DIS3: variants seen among roughly 807,000 people sequenced by gnomAD.
The protein encoded by DIS3 is exosome complex exonuclease RRP44.
Under a neutral mutation model 113.0 loss-of-function variants are expected in DIS3, and 103 were observed. That is an observed-to-expected ratio of 0.91 (90% CI 0.78 to 1.07). The LOEUF is 1.07. Among genes scored for constraint, DIS3 ranks in the 50% least tolerant of loss-of-function variants. The pLI, the probability that DIS3 is intolerant of heterozygous loss-of-function variation, is 0.00. For synonymous variants in DIS3, 402 were observed against 394.3 expected, an observed-to-expected ratio of 1.02 and a Z score of -0.23; for missense variants, 1,121 against 1,167.1, an observed-to-expected ratio of 0.96 and a Z score of 0.58.
intron 13 of DIS3, 44 bp from the exon 14 acceptor site, chr13:72,768,956 A>G (rs754913849): frequency 1.4e-6 from 2 of 1,409,224 alleles, no homozygotes; most frequent in Admixed American, 4.1e-5. Flanking sequence ...TAAATGATAG[A>G]AAAATGGTTT....
At chr13:72,763,002 A>G (rs1340147931) in intron 16 of DIS3, among the ~76,000 whole-genome samples, 2 of 152,078 alleles carry the variant, frequency 1.3e-5, no homozygotes, top group Non-Finnish European at 2.9e-5. Context: ...GTGCTCTTTA[A>G]AAACATTAGG....
intron 2 of DIS3, among the ~76,000 whole-genome samples, chr13:72,779,403 C>A (rs373386636): frequency 2.6e-5 from 4 of 152,148 alleles, no homozygotes; most frequent in African/African-American, 9.7e-5. Flanking sequence ...CAGACATAAG[C>A]CACCACGCCC....
intron 10 of DIS3, 31 bp from the exon 11 acceptor site, chr13:72,771,927 T>C (rs773013003): frequency 2.5e-6 from 4 of 1,594,636 alleles, no homozygotes; most frequent in South Asian, 2.2e-5. Flanking sequence ...AGGATGTCAA[T>C]ATGCTTGACT....
In DIS3 at chr13:72,778,292, G is replaced by A. The variant is rs2138233504; in HGVS notation, c.475C>T (p.His159Tyr). 1 of 1,606,458 alleles carries A rather than the reference G, an allele frequency of 6.2e-7. No homozygotes were observed. The highest frequency in any genetic ancestry group is 2.2e-5 in the East Asian group (1 of 44,792). Residue 159 changes from histidine (H) to tyrosine (Y), a missense_variant, in exon 3 of 21, where the codon CAT becomes TAT. Coordinates refer to ENST00000377767, the MANE Select transcript of DIS3 (RefSeq NM_014953.5). The part of the protein sequence containing the change: ...IRVAAKWYNE[H>Y]LKKMSADNQL... ...TTGTCTGCTGACATTTTTTTCAAAT[G>A]TTCATTGTACCATTTTGCTGCTACT...
Position 72,752,382 on chromosome 13 carries a change from G to A in DIS3, c.*7413C>T, listed in dbSNP as rs540367387. 3 of 152,156 alleles carry A rather than the reference G, an allele frequency of 2.0e-5. No individual in the cohort carries two copies. The highest frequency in any genetic ancestry group is 7.2e-5 in the African/African-American group (3 of 41,446). 9.4% of individuals were successfully genotyped at this position (152,156 alleles called of 1,614,324 possible). ...TTGACATTAGCAGAAGTCTAGATGA[G>A]AGACAGTGAAGTCAGCCACCATCTC... On this transcript the variant is annotated 3_prime_UTR_variant, in exon 21 of 21. Coordinates refer to ENST00000377767, the MANE Select transcript of DIS3 (RefSeq NM_014953.5).
chr13:72,759,367 C>T lies in DIS3; in HGVS notation c.*428G>A, dbSNP rs2033569498. The T allele has an allele frequency of 4.6e-6, 1 of 216,450 alleles. No individual in the cohort carries two copies. Among genetic ancestry groups the T allele is most frequent in the African/African-American group, 2.2e-5 (1 of 44,530 alleles). The allele number at this position is 216,450 out of a possible 1,614,324, so 13.4% of individuals were successfully genotyped here. A position where few individuals can be genotyped will look rare whatever the true frequency, so the allele number is the denominator to read the frequency against. On this transcript the variant is annotated 3_prime_UTR_variant, in exon 21 of 21. Transcript: ENST00000377767. ...TTACATCCTCAACACTGACAGCTTCCAAGACTTAGAAAAGAGATTGTTCCT... is the reference window on the plus strand; with the variant it reads ...TTACATCCTCAACACTGACAGCTTCTAAGACTTAGAAAAGAGATTGTTCCT...
chr13:72,771,992 A>G lies in DIS3; in HGVS notation c.1504-96T>C. ...AGATAAAGTTTAGCTAAATTTAAAAAAGACTCAGTCACCTCTACCATTTCA... is the reference window on the plus strand; with the variant it reads ...AGATAAAGTTTAGCTAAATTTAAAAGAGACTCAGTCACCTCTACCATTTCA... On this transcript the variant is annotated intron_variant, in intron 10 of 20. Transcript: ENST00000377767. The G allele has an allele frequency of 2.9e-6, 4 of 1,398,934 alleles. No homozygotes were observed. In the South Asian group the frequency reaches 5.2e-5, roughly 18 times the overall value. The allele number at this position is 1,398,934 out of a possible 1,614,324, so 86.7% of individuals were successfully genotyped here.
chr13:72,757,014 T>A lies in DIS3; in HGVS notation c.*2781A>T, dbSNP rs1346203902. The A allele has an allele frequency of 3.3e-5, 5 of 152,200 alleles. No individual in the cohort carries two copies. The allele number at this position is 152,200 out of a possible 1,614,324, so 9.4% of individuals were successfully genotyped here. A position where few individuals can be genotyped will look rare whatever the true frequency, so the allele number is the denominator to read the frequency against. ...TATATTCCACGTAACCTGCTTAGCA[T>A]AAGAACTGGCACTAGAAACAGAACA... On this transcript the variant is annotated 3_prime_UTR_variant, in exon 21 of 21. Coordinates refer to ENST00000377767, the MANE Select transcript of DIS3 (RefSeq NM_014953.5).
Position 72,772,656 on chromosome 13 carries a change from T to C in DIS3, c.1386+37A>G, listed in dbSNP as rs773981590. The C allele has an allele frequency of 1.1e-5, 17 of 1,572,826 alleles. No individual in the cohort carries two copies. The East Asian group carries it at 2.3e-4, about 21-fold the overall frequency. Reference sequence around the variant, plus strand: ...TTAAACAAAACTAGGCAGGATATAATAATTTATAAAGTCACTACAAATTAC... The same window carrying C: ...TTAAACAAAACTAGGCAGGATATAACAATTTATAAAGTCACTACAAATTAC... On this transcript the variant is annotated intron_variant, in intron 9 of 20. Coordinates refer to ENST00000377767, the MANE Select transcript of DIS3 (RefSeq NM_014953.5).
intron 10 of DIS3, 87 bp downstream of exon 10, chr13:72,772,072 T>C (rs1369092342): frequency 1.3e-5 from 17 of 1,306,780 alleles, no homozygotes; most frequent in Non-Finnish European, 1.5e-5. Context: ...ACAAGAGTAA[T>C]TAACAAGCAA....
chr13:72,776,857 G>A, intron 4 of DIS3, among the ~76,000 whole-genome samples: 1 of 152,242 alleles, frequency 6.6e-6, no homozygotes, highest in East Asian at 1.9e-4. Context: ...ACTGACATGA[G>A]AGTGGTCTTA....
chr13:72,755,389 C>G lies in DIS3; in HGVS notation c.*4406G>C. On this transcript the variant is annotated 3_prime_UTR_variant, in exon 21 of 21. Transcript: ENST00000377767. ...TGACATAGGAACAACAGAAATGCTC[C>G]TGGAACTTCAAGTTGCTGAATTATA... The G allele has an allele frequency of 1.9e-6, 1 of 535,668 alleles. No homozygotes were observed. The highest frequency in any genetic ancestry group is 3.3e-6 in the Non-Finnish European group (1 of 304,478). The allele number at this position is 535,668 out of a possible 1,614,324, so 33.2% of individuals were successfully genotyped here.
At position 72,761,731 on chromosome 13, in the gene DIS3, TTG is replaced by T. The variant is rs1566238949; in HGVS notation, c.2424_2425del (p.His808GlnfsTer7). 1 of 1,613,954 alleles carries T rather than the reference TTG, an allele frequency of 6.2e-7. No individual in the cohort carries two copies. The highest frequency in any genetic ancestry group is 8.5e-7 in the Non-Finnish European group (1 of 1,179,976). The stretch of plus-strand genomic sequence containing the variant: ...TAGATTTTTACATATATCTGCAAGC[TTG>T]TGTTTGTCTGTCAACTCTGGATAAG... On this transcript the variant is annotated frameshift_variant, in exon 18 of 21. Transcript: ENST00000377767. LOFTEE classifies it high-confidence loss of function.
chr13:72,763,115 T>C (rs547918921), intron 16 of DIS3, among the ~76,000 whole-genome samples: 3 of 152,042 alleles, frequency 2.0e-5, no homozygotes, highest in Non-Finnish European at 4.4e-5. Flanking sequence ...CTGGGCAACA[T>C]AGTGAAAATC....
chr13:72,759,669 T>C lies in DIS3; in HGVS notation c.*126A>G. On this transcript the variant is annotated 3_prime_UTR_variant, in exon 21 of 21. Transcript: ENST00000377767. ...GTCAACTGTTCAATAAAAATGCAGA[T>C]GTCTGAAATTATTAAAATGTACTTA... 1.5e-6 allele frequency: 1 copy of C among 682,604 alleles called. No homozygotes were observed. Among genetic ancestry groups the C allele is most frequent in the South Asian group, 2.0e-5 (1 of 50,578 alleles). 42.3% of individuals were successfully genotyped at this position (682,604 alleles called of 1,614,324 possible).
At chr13:72,763,694 CAAG>C in intron 15 of DIS3, 87 bp from the exon 16 acceptor site, 1 of 1,325,144 alleles carries the variant, frequency 7.5e-7, no homozygotes, top group African/African-American at 1.5e-5. Context: ...CCTTTGTTAC[CAAG>C]AAGATAATAA....
At position 72,753,866 on chromosome 13, in the gene DIS3, A is replaced by T. The variant is rs1170773094; in HGVS notation, c.*5929T>A. ...AAAGCTTAATATTGTTTAGATTAGA[A>T]ATATAAAATAATTTTGATTATTAGA... is the stretch of plus-strand genomic sequence containing the variant. On this transcript the variant is annotated 3_prime_UTR_variant, in exon 21 of 21. Coordinates refer to ENST00000377767, the MANE Select transcript of DIS3 (RefSeq NM_014953.5). The T allele has an allele frequency of 6.6e-7, 1 of 1,516,836 alleles. No individual in the cohort carries two copies. Among genetic ancestry groups the T allele is most frequent in the Non-Finnish European group, 9.0e-7 (1 of 1,111,456 alleles). 94.0% of individuals were successfully genotyped at this position (1,516,836 alleles called of 1,614,324 possible). A position where few individuals can be genotyped will look rare whatever the true frequency, so the allele number is the denominator to read the frequency against.
chr13:72,781,602 C>G lies in DIS3; in HGVS notation c.228+3G>C. ...GCTGTCCGCGGTTCGCCCGCCCACGCACCTGGTGCAGTAACACATTAGTGT... is the reference window on the plus strand; with the variant it reads ...GCTGTCCGCGGTTCGCCCGCCCACGGACCTGGTGCAGTAACACATTAGTGT... On this transcript the variant is annotated splice_donor_region_variant and intron_variant, in intron 1 of 20. Transcript: ENST00000377767. 6.0e-6 allele frequency: 9 copies of G among 1,506,572 alleles called. No individual in the cohort carries two copies. Among genetic ancestry groups the G allele is most frequent in the Non-Finnish European group, 8.0e-6 (9 of 1,123,448 alleles). 93.3% of individuals were successfully genotyped at this position (1,506,572 alleles called of 1,614,324 possible). A position where few individuals can be genotyped will look rare whatever the true frequency, so the allele number is the denominator to read the frequency against.
Position 72,755,260 on chromosome 13 carries a change from C to T in DIS3, c.*4535G>A, listed in dbSNP as rs2033425907. On this transcript the variant is annotated 3_prime_UTR_variant, in exon 21 of 21. Coordinates refer to ENST00000377767, the MANE Select transcript of DIS3 (RefSeq NM_014953.5). ...AAAGACTAAGCTTAAGAGTTCCTCG[C>T]ATATATCGTTGTGCACAGGATCAAC... 2.0e-6 allele frequency: 3 copies of T among 1,507,822 alleles called. No individual in the cohort carries two copies. The highest frequency in any genetic ancestry group is 2.8e-6 in the Non-Finnish European group (3 of 1,086,250). The allele number at this position is 1,507,822 out of a possible 1,614,324, so 93.4% of individuals were successfully genotyped here. A position where few individuals can be genotyped will look rare whatever the true frequency, so the allele number is the denominator to read the frequency against.
Sources: gnomAD v4.1 joint callset for allele counts (sites outside exome capture counted in the v4.1 genomes callset) on GRCh38, gnomAD v4.1.1 for gene constraint, MANE v1.5 for transcripts, NCBI Gene and HGNC (gene_info 2026-07-23, HGNC 2026-07-21) for gene names.